Variants in ASXL2 observed in about 807,000 individuals in gnomAD.
The protein encoded by ASXL2 is putative Polycomb group protein ASXL2.
Under a neutral mutation model 122.0 loss-of-function variants are expected in ASXL2, and 23 were observed. The ratio of observed to expected loss-of-function variants is 0.19; its 90% CI spans 0.14 to 0.27. ASXL2 has a LOEUF of 0.27. ASXL2 is among the 10% of genes least tolerant of loss of function. The probability of loss-of-function intolerance (pLI) is 1.00; values close to 1 mark genes in which losing one functional copy is unlikely to be tolerated. For missense variants in ASXL2, 1,518 were observed against 1,713.8 expected (o/e 0.89, Z 2.02); for synonymous variants, 650 against 637.0 (o/e 1.02, Z -0.31).
intron 7 of ASXL2, among the ~76,000 whole-genome samples, chr2:25,767,988 A>G (rs958276551): frequency 7.9e-5 from 12 of 152,236 alleles, no homozygotes; most frequent in Non-Finnish European, 1.5e-4. Context: ...TGGCAGGCCC[A>G]TAGAATCAGC....
intron 1 of ASXL2, chr2:25,857,090 C>CCGG (rs1553706299): frequency 8.0e-4 from 47 of 58,476 alleles, no homozygotes; most frequent in African/African-American, 2.7e-3. Context: ...TTGGGGGGGG[C>CCGG]GGGGGGGGGG....
intron 1 of ASXL2, among the ~76,000 whole-genome samples, chr2:25,867,994 G>T (rs938599138): frequency 1.3e-5 from 2 of 151,992 alleles, no homozygotes; most frequent in Non-Finnish European, 2.9e-5. Flanking sequence ...CATTTTATTT[G>T]TAAGTTTTAT....
At chr2:25,781,424 G>A (rs1366748988) in intron 5 of ASXL2, among the ~76,000 whole-genome samples, 1 of 152,006 alleles carries the variant, frequency 6.6e-6, no homozygotes, top group Non-Finnish European at 1.5e-5. Flanking sequence ...AAAAAAAACA[G>A]TGATGCTCAG....
chr2:25,807,351 T>C (rs2089097933), intron 3 of ASXL2, among the ~76,000 whole-genome samples: 1 of 152,134 alleles, frequency 6.6e-6, no homozygotes, highest in African/African-American at 2.4e-5. Context: ...GGGACATGAG[T>C]CCACTGTCTC....
At chr2:25,821,834 G>C (rs2089314806) in intron 3 of ASXL2, among the ~76,000 whole-genome samples, 1 of 152,198 alleles carries the variant, frequency 6.6e-6, no homozygotes, top group Non-Finnish European at 1.5e-5. Flanking sequence ...GCTTTATTTA[G>C]AGTGTTCATC....
Position 25,742,168 on chromosome 2 carries a change from T to A in ASXL2, c.4169A>T (p.Glu1390Val). The A allele has an allele frequency of 6.2e-7, 1 of 1,614,050 alleles. No individual in the cohort carries two copies. The highest frequency in any genetic ancestry group is 8.5e-7 in the Non-Finnish European group (1 of 1,179,904). ...CGAAGGCGTGCCCTCTATGCTGTTCTCTTCGGAGAACGCCTGAACAGGAAT... is the reference window on the plus strand; with the variant it reads ...CGAAGGCGTGCCCTCTATGCTGTTCACTTCGGAGAACGCCTGAACAGGAAT... ...QTIPVQAFSEENSIEGTPSKC... is the reference protein window; with the variant it reads ...QTIPVQAFSEVNSIEGTPSKC... The change falls in exon 13 of 13, where the codon GAG becomes GTG. Residue 1390 changes from glutamate to valine, a missense_variant. By Grantham distance (121) the Glu-to-Val change is moderately radical. Around this residue, in one of 8 missense-constraint regions of ASXL2, gnomAD observed 831 missense variants for 833.1 expected, o/e 1.00. Coordinates refer to ENST00000435504, the MANE Select transcript of ASXL2 (RefSeq NM_018263.6).
intron 4 of ASXL2, among the ~76,000 whole-genome samples, chr2:25,803,425 C>G (rs2089029825): frequency 6.6e-6 from 1 of 152,210 alleles, no homozygotes; most frequent in Admixed American, 6.5e-5. Context: ...AAGTACAGGT[C>G]ACAACCTGGG....
chr2:25,741,696 T>G lies in ASXL2; in HGVS notation c.*333A>C, dbSNP rs893070432. ...GCATTAAACTTTTCTCAGTCACAAG[T>G]AGTAGAACATTAATCTGAATTCAAA... On this transcript the variant is annotated 3_prime_UTR_variant, in exon 13 of 13. Coordinates refer to ENST00000435504, the MANE Select transcript of ASXL2 (RefSeq NM_018263.6). 2 of 287,248 alleles carry G rather than the reference T, an allele frequency of 7.0e-6. No individual in the cohort carries two copies. Among genetic ancestry groups the G allele is most frequent in the South Asian group, 1.9e-4 (2 of 10,550 alleles). 17.8% of individuals were successfully genotyped at this position (287,248 alleles called of 1,614,324 possible).
At chr2:25,860,829 T>C (rs2089836644) in intron 1 of ASXL2, among the ~76,000 whole-genome samples, 1 of 152,042 alleles carries the variant, frequency 6.6e-6, no homozygotes, top group Non-Finnish European at 1.5e-5. Flanking sequence ...CTGGGCAACA[T>C]GGCGAAATCC....
rs1468546915 is a variant in ASXL2, at chr2:25,743,304, C to G, written c.3033G>C (p.Gln1011His). Reference sequence around the variant, plus strand: ...GCTGCTGCTGCGTAGCTGGATGGGACTGTCTCTCATTAACTTCCTCTCTGG... The same window carrying G: ...GCTGCTGCTGCGTAGCTGGATGGGAGTGTCTCTCATTAACTTCCTCTCTGG... Reference protein sequence around the residue: ...NSTREEVNERQSHPATQQQLG... With the variant: ...NSTREEVNERHSHPATQQQLG... The change falls in exon 13 of 13, where the codon CAG (glutamine) becomes CAC (histidine). Residue 1011 changes from glutamine (Q) to histidine (H), a missense_variant. Transcript: ENST00000435504. 1 of 1,613,926 alleles carries G rather than the reference C, an allele frequency of 6.2e-7. No individual in the cohort carries two copies. Among genetic ancestry groups the G allele is most frequent in the Non-Finnish European group, 8.5e-7 (1 of 1,179,862 alleles).
At chr2:25,869,439 TA>T (rs1449446946) in intron 1 of ASXL2, among the ~76,000 whole-genome samples, 5 of 152,024 alleles carry the variant, frequency 3.3e-5, no homozygotes, top group Non-Finnish European at 7.4e-5. Context: ...GGTCTGCAAG[TA>T]AAAACACTTT....
Position 25,743,618 on chromosome 2 carries a change from T to C in ASXL2, c.2719A>G (p.Thr907Ala), listed in dbSNP as rs373675790. ...GGAGCTGATCCAGCAGGTGCTGTAG[T>C]TGCACTGACCTGGGGTACAGGAAGC... ...EKLPVPQVSA[T>A]TAPAGSAPPS... The change falls in exon 13 of 13, where the codon ACT becomes GCT. Residue 907 changes from threonine to alanine, a missense_variant. Thr to Ala is a moderately conservative substitution (Grantham distance 58). Coordinates refer to ENST00000435504, the MANE Select transcript of ASXL2 (RefSeq NM_018263.6). The C allele has an allele frequency of 6.2e-6, 10 of 1,614,038 alleles. No individual in the cohort carries two copies. The highest frequency in any genetic ancestry group is 1.1e-5 in the South Asian group (1 of 91,088).
intron 5 of ASXL2, among the ~76,000 whole-genome samples, chr2:25,787,768 T>A (rs2088771601): frequency 6.6e-6 from 1 of 152,168 alleles, no homozygotes; most frequent in Non-Finnish European, 1.5e-5. Context: ...TGCAGTAATA[T>A]AGTTTTTAAA....
chr2:25,827,587 G>A (rs947088903), intron 3 of ASXL2, among the ~76,000 whole-genome samples: 2 of 152,104 alleles, frequency 1.3e-5, no homozygotes, highest in Non-Finnish European at 2.9e-5. Flanking sequence ...TAATATAAAT[G>A]TAGCTTTTAA....
chr2:25,748,811 A>C (rs1332717685), intron 12 of ASXL2, among the ~76,000 whole-genome samples: 1 of 152,262 alleles, frequency 6.6e-6, no homozygotes. Context: ...GGGTTTTAAA[A>C]GGCATTGTAT....
chr2:25,847,329 C>G (rs2089660531), intron 1 of ASXL2, among the ~76,000 whole-genome samples: 2 of 152,128 alleles, frequency 1.3e-5, no homozygotes, highest in Non-Finnish European at 2.9e-5. Flanking sequence ...TCTTCTTTTT[C>G]CCCAAAATAT....
intron 2 of ASXL2, 138 bp downstream of exon 2, chr2:25,845,343 C>T (rs923626773): frequency 2.9e-6 from 4 of 1,362,710 alleles, no homozygotes; most frequent in Non-Finnish European, 4.0e-6. Flanking sequence ...TTAAAAAATG[C>T]CAAAGATCTG....
rs76240882 is a variant in ASXL2 at position 25,825,018 on chromosome 2, C to G, written c.143+10520G>C. Among the ~76,000 whole-genome samples, 570 of 152,332 alleles carry G rather than the reference C, an allele frequency of 3.7e-3. 5 individuals carry two copies. The highest frequency in any genetic ancestry group is 1.7e-3 in the Non-Finnish European group (118 of 68,036). On this transcript the variant is annotated intron_variant, in intron 3 of 12. Transcript: ENST00000435504. Reference sequence around the variant, plus strand: ...CATTCTAAAGGCTCTTGCCAAAACTCTAAAACTTACTTGTTTTACCAATTC... The same window carrying G: ...CATTCTAAAGGCTCTTGCCAAAACTGTAAAACTTACTTGTTTTACCAATTC...
At position 25,862,542 on chromosome 2, in the gene ASXL2, C is replaced by T. The variant is rs1160225860; in HGVS notation, c.57+15624G>A. 2.6e-5 allele frequency among the ~76,000 whole-genome samples: 4 copies of T among 152,204 alleles called. No homozygotes were observed. In the East Asian group the frequency reaches 5.8e-4, roughly 22 times the overall value. On this transcript the variant is annotated intron_variant, in intron 1 of 12. Transcript: ENST00000435504. ...TAATTTGACAAGTATTTATTAAATG[C>T]CTATTGTGTGCATACTACACAACAG...
Sources: gnomAD v4.1 joint callset for allele counts (sites outside exome capture counted in the v4.1 genomes callset) on GRCh38, gnomAD v4.1.1 for gene constraint, gnomAD v4.1.1 regional missense constraint, MANE v1.5 for transcripts, NCBI Gene and HGNC (gene_info 2026-07-23, HGNC 2026-07-21) for gene names.